The following HTR1E variants were observed in gnomAD, a reference collection of about 807,000 sequenced individuals.
The protein encoded by HTR1E is 5-HT-1E.
In HTR1E, 3 loss-of-function variants were observed where a neutral mutation model predicts 3.4. The observed-to-expected ratio is 0.89, with a 90% CI of 0.41 to 2.31. HTR1E has a LOEUF of 2.31. Among genes scored for constraint, HTR1E ranks in the 30% most tolerant of loss-of-function variants. HTR1E has a pLI of 0.05. For synonymous variants in HTR1E, 170 were observed against 182.8 expected (o/e 0.93, Z 0.56); for missense variants, 392 against 467.0 (o/e 0.84, Z 1.48).
At chr6:86,940,588 C>T (rs930143992) in intron 1 of HTR1E, among the ~76,000 whole-genome samples, 1 of 152,122 alleles carries the variant, frequency 6.6e-6, no homozygotes, top group Admixed American at 6.5e-5. Context: ...TGCAGAAAGC[C>T]TCAGGCCCTG....
At chr6:86,990,724 T>G (rs1767861151) in intron 1 of HTR1E, among the ~76,000 whole-genome samples, 1 of 152,170 alleles carries the variant, frequency 6.6e-6, no homozygotes, top group Non-Finnish European at 1.5e-5. Context: ...ATATGCACAG[T>G]AAATATCAAT....
At chr6:87,010,345 G>T (rs1240123798) in intron 1 of HTR1E, among the ~76,000 whole-genome samples, 2 of 114,490 alleles carry the variant, frequency 1.7e-5, no homozygotes, top group East Asian at 6.3e-4. Flanking sequence ...CCCGGACGGG[G>T]CGGCTGGCCG....
At position 87,016,266 on chromosome 6, in the gene HTR1E, A is replaced by G; in HGVS notation, c.932A>G (p.Glu311Gly). 6.2e-7 allele frequency: 1 copy of G among 1,614,106 alleles called. No individual in the cohort carries two copies. The highest frequency in any genetic ancestry group is 8.5e-7 in the Non-Finnish European group (1 of 1,180,020). The change falls in exon 2 of 2, where the codon GAG (glutamate) becomes GGG (glycine). Residue 311 changes from glutamate (E) to glycine (G), a missense_variant. This residue lies in a region of HTR1E where 178 missense variants were observed against 164.9 expected (regional missense o/e 1.08). Transcript: ENST00000305344. Reference protein sequence around the residue: ...ILSWLPFFIKELIVGLSIYTV... With the variant: ...ILSWLPFFIKGLIVGLSIYTV... Reference sequence around the variant, plus strand: ...TCCTGGCTGCCATTTTTCATCAAAGAGTTGATTGTGGGTCTGAGCATCTAC... The same window carrying G: ...TCCTGGCTGCCATTTTTCATCAAAGGGTTGATTGTGGGTCTGAGCATCTAC...
At chr6:86,997,776 A>G (rs1164611956) in intron 1 of HTR1E, among the ~76,000 whole-genome samples, 1 of 151,836 alleles carries the variant, frequency 6.6e-6, no homozygotes, top group Non-Finnish European at 1.5e-5. Flanking sequence ...TAAATAATGT[A>G]AACATCCCAA....
At chr6:86,961,830 C>T (rs1042996312) in intron 1 of HTR1E, among the ~76,000 whole-genome samples, 17 of 152,314 alleles carry the variant, frequency 1.1e-4, no homozygotes, top group Admixed American at 9.8e-4. Context: ...AAATGAGTGG[C>T]GAGTGAAGAT....
intron 1 of HTR1E, among the ~76,000 whole-genome samples, chr6:86,979,819 CAG>C (rs965370106): frequency 3.9e-5 from 6 of 152,136 alleles, no homozygotes; most frequent in Admixed American, 6.5e-5. Context: ...GGATTGACAA[CAG>C]GAGAAGCCAT....
chr6:86,968,863 T>A (rs1767510375), intron 1 of HTR1E, among the ~76,000 whole-genome samples: 1 of 147,086 alleles, frequency 6.8e-6, no homozygotes, highest in African/African-American at 2.5e-5. Flanking sequence ...TTCATAAACA[T>A]CTCTATTAAC....
At chr6:87,010,389 A>C (rs867075091) in intron 1 of HTR1E, among the ~76,000 whole-genome samples, 133 of 132,438 alleles carry the variant, frequency 1.0e-3, no homozygotes, top group African/African-American at 2.0e-3. Context: ...TCCCTCCCGG[A>C]CGGGGTGGCT....
At chr6:86,966,190 C>G (rs1416376207) in intron 1 of HTR1E, among the ~76,000 whole-genome samples, 1 of 151,148 alleles carries the variant, frequency 6.6e-6, no homozygotes, top group Non-Finnish European at 1.5e-5. Context: ...AATAATATTA[C>G]TAAGAAGAGG....
intron 1 of HTR1E, among the ~76,000 whole-genome samples, chr6:86,940,555 A>C (rs1768532056): frequency 1.3e-5 from 2 of 152,142 alleles, no homozygotes; most frequent in African/African-American, 4.8e-5. Context: ...AAAGAAAAGA[A>C]AGAAAAAGAA....
At chr6:87,007,465 T>A (rs1768131391) in intron 1 of HTR1E, among the ~76,000 whole-genome samples, 1 of 152,148 alleles carries the variant, frequency 6.6e-6, no homozygotes, top group African/African-American at 2.4e-5. Context: ...AATTTTAAAA[T>A]AACAGAGTAC....
At chr6:86,975,456 A>C (rs1329385785) in intron 1 of HTR1E, among the ~76,000 whole-genome samples, 1 of 151,972 alleles carries the variant, frequency 6.6e-6, no homozygotes, top group African/African-American at 2.4e-5. Flanking sequence ...CCCATGTTCA[A>C]GTCACTCTCC....
chr6:86,978,524 G>T (rs1480144148), intron 1 of HTR1E, among the ~76,000 whole-genome samples: 3 of 152,144 alleles, frequency 2.0e-5, no homozygotes, highest in African/African-American at 7.2e-5. Context: ...ATAACATTAT[G>T]GATCACTGAG....
rs543253615 is a variant in HTR1E at position 86,969,676 on chromosome 6, C to G, written c.-186+31853C>G. Among the ~76,000 whole-genome samples, 4 of 152,316 alleles carry G rather than the reference C, an allele frequency of 2.6e-5. No homozygotes were observed. In the South Asian group the frequency reaches 8.3e-4, roughly 32 times the overall value. ...TCTCTGTCAGTTACCAAGTTTCTCT[C>G]TGGATGACTTCTTCTCTTACACTAA... On this transcript the variant is annotated intron_variant, in intron 1 of 1. Transcript: ENST00000305344.
intron 1 of HTR1E, among the ~76,000 whole-genome samples, chr6:86,964,516 TGCAGTA>T: frequency 6.6e-6 from 1 of 151,608 alleles, no homozygotes; most frequent in East Asian, 2.0e-4. Flanking sequence ...CAGAACTGTC[TGCAGTA>T]CTTAAATTCT....
At chr6:86,940,355 A>C (rs1472043333) in intron 1 of HTR1E, among the ~76,000 whole-genome samples, 1 of 152,138 alleles carries the variant, frequency 6.6e-6, no homozygotes, top group African/African-American at 2.4e-5. Context: ...GAGCAAAATA[A>C]TGAGAACTCA....
At chr6:86,971,533 T>G (rs1052164144) in intron 1 of HTR1E, among the ~76,000 whole-genome samples, 1 of 152,028 alleles carries the variant, frequency 6.6e-6, no homozygotes, top group African/African-American at 2.4e-5. Flanking sequence ...GATATGTGTT[T>G]GGAGACCTTG....
At chr6:86,999,617 C>T (rs1232556482) in intron 1 of HTR1E, among the ~76,000 whole-genome samples, 1 of 152,140 alleles carries the variant, frequency 6.6e-6, no homozygotes, top group Non-Finnish European at 1.5e-5. Context: ...CACCTTTTCC[C>T]TGATTTTCTC....
At chr6:86,956,491 T>C (rs1330802604) in intron 1 of HTR1E, among the ~76,000 whole-genome samples, 1 of 152,190 alleles carries the variant, frequency 6.6e-6, no homozygotes, top group African/African-American at 2.4e-5. Flanking sequence ...TAAATCCACC[T>C]ATAACTGGAA....
Sources: gnomAD v4.1 joint callset for allele counts (sites outside exome capture counted in the v4.1 genomes callset) on GRCh38, gnomAD v4.1.1 for gene constraint, gnomAD v4.1.1 regional missense constraint, MANE v1.5 for transcripts, NCBI Gene and HGNC (gene_info 2026-07-23, HGNC 2026-07-21) for gene names.